The following SCHIP1 variants were observed in gnomAD, a reference collection of about 807,000 sequenced individuals.
SCHIP1 encodes schwannomin interacting protein 1.
In SCHIP1, 8 loss-of-function variants were observed where a neutral mutation model predicts 29.7. The observed-to-expected ratio is 0.27, with a 90% CI of 0.16 to 0.49. The LOEUF (loss-of-function observed/expected upper bound fraction) is 0.49, where lower values mean the gene tolerates loss of function less well. SCHIP1 is among the 20% of genes least tolerant of loss of function. The pLI is 0.99. For synonymous variants in SCHIP1, 76 were observed against 94.9 expected (o/e 0.80, Z 1.16); for missense variants, 193 against 294.6 (o/e 0.66, Z 2.52).
At chr3:159,878,197 G>A (rs1314193731) in intron 2 of SCHIP1, among the ~76,000 whole-genome samples, 1 of 152,192 alleles carries the variant, frequency 6.6e-6, no homozygotes, top group Non-Finnish European at 1.5e-5. Flanking sequence ...TCTTGCCAAG[G>A]CCGGGCGCAG....
the SCHIP1 span, chr3:159,808,541 T>A: frequency 6.6e-6 from 1 of 152,252 alleles, no homozygotes; most frequent in African/African-American, 2.4e-5. Context: ...GGTGCTACAT[T>A]TGATCTCAGA....
chr3:159,404,673 G>A, the SCHIP1 span, among the ~76,000 whole-genome samples: 13 of 152,198 alleles, frequency 8.5e-5, no homozygotes, highest in Non-Finnish European at 1.0e-4. Context: ...CTAGCTCCCA[G>A]ACAGCATCTT....
the SCHIP1 span, among the ~76,000 whole-genome samples, chr3:159,626,259 GATA>G: frequency 9.6e-6 from 1 of 103,638 alleles, no homozygotes; most frequent in Non-Finnish European, 2.1e-5. Context: ...TATATAGATA[GATA>G]GATAGATAGA....
At chr3:159,436,998 T>A in the SCHIP1 span, among the ~76,000 whole-genome samples, 17 of 152,252 alleles carry the variant, frequency 1.1e-4, no homozygotes, top group South Asian at 3.3e-3. Context: ...AGATGCCCAA[T>A]TACTGATGAT....
the SCHIP1 span, among the ~76,000 whole-genome samples, chr3:159,491,510 G>A: frequency 1.3e-5 from 2 of 152,206 alleles, no homozygotes; most frequent in Non-Finnish European, 2.9e-5. Flanking sequence ...CTCATTGCTA[G>A]CACAGCAGTC....
intron 6 of SCHIP1, chr3:159,892,391 C>G: frequency 1.6e-6 from 1 of 616,860 alleles, no homozygotes; most frequent in Non-Finnish European, 2.8e-6. Context: ...TAGCAACCAT[C>G]CCCCCCTTGT....
the SCHIP1 span, among the ~76,000 whole-genome samples, chr3:159,425,064 C>A: frequency 6.6e-6 from 1 of 151,616 alleles, no homozygotes; most frequent in Non-Finnish European, 1.5e-5. Context: ...AAAGGAACAA[C>A]CGGTACCAGC....
intron 2 of SCHIP1, among the ~76,000 whole-genome samples, chr3:159,884,798 G>A (rs989511995): frequency 3.3e-5 from 5 of 152,208 alleles, no homozygotes; most frequent in Non-Finnish European, 5.9e-5. Flanking sequence ...CCTAAGTTCA[G>A]CTCACTCCAA....
chr3:159,351,279 T>C, the SCHIP1 span, among the ~76,000 whole-genome samples: 4 of 152,188 alleles, frequency 2.6e-5, no homozygotes, highest in Non-Finnish European at 5.9e-5. Context: ...GGTATGAATA[T>C]GCCTGTTTTG....
chr3:159,335,489 C>T, the SCHIP1 span, among the ~76,000 whole-genome samples: 1 of 152,132 alleles, frequency 6.6e-6, no homozygotes, highest in Non-Finnish European at 1.5e-5. Flanking sequence ...CTATCCCTCC[C>T]CACTCCCCCC....
At chr3:159,772,090 C>T in the SCHIP1 span, among the ~76,000 whole-genome samples, 2 of 152,164 alleles carry the variant, frequency 1.3e-5, 1 homozygote, top group South Asian at 4.1e-4. Flanking sequence ...AAATCTTACA[C>T]CTGACAAAAA....
chr3:159,642,824 C>T, the SCHIP1 span, among the ~76,000 whole-genome samples: 29 of 152,126 alleles, frequency 1.9e-4, 1 homozygote, highest in Non-Finnish European at 3.1e-4. Flanking sequence ...ACTATGAGTA[C>T]AAGGACTCAG....
At chr3:159,675,907 G>A in the SCHIP1 span, among the ~76,000 whole-genome samples, 10 of 152,064 alleles carry the variant, frequency 6.6e-5, no homozygotes, top group South Asian at 4.2e-4. Flanking sequence ...TGAGGGGGGC[G>A]GATCACCTGA....
the SCHIP1 span, chr3:159,764,482 G>GGCAGCA: frequency 3.1e-5 from 49 of 1,589,038 alleles, no homozygotes; most frequent in African/African-American, 2.0e-4. The surrounding 1 kb of genome is among the most constrained non-coding windows in gnomAD (Gnocchi z 6.1). Context: ...CAGTGACGCC[G>GGCAGCA]GCAGCAGCAG....
chr3:159,413,548 G>A, the SCHIP1 span, among the ~76,000 whole-genome samples: 1 of 152,168 alleles, frequency 6.6e-6, no homozygotes, highest in South Asian at 2.1e-4. Context: ...CTGGGGATGA[G>A]TGGTAAACAC....
the SCHIP1 span, among the ~76,000 whole-genome samples, chr3:159,395,887 G>A: frequency 6.6e-6 from 1 of 151,880 alleles, no homozygotes; most frequent in African/African-American, 2.4e-5. Flanking sequence ...TTGACTTTCT[G>A]TCTCATTGAT....
chr3:159,735,222 C>A, the SCHIP1 span, among the ~76,000 whole-genome samples: 1 of 150,526 alleles, frequency 6.6e-6, no homozygotes, highest in Non-Finnish European at 1.5e-5. Flanking sequence ...CAAAAATAAC[C>A]AATTGCTACT....
At chr3:159,640,990 G>A in the SCHIP1 span, among the ~76,000 whole-genome samples, 12 of 152,208 alleles carry the variant, frequency 7.9e-5, no homozygotes, top group South Asian at 2.1e-4. Flanking sequence ...AATGACCTTC[G>A]TTGGAATTCT....
the SCHIP1 span, among the ~76,000 whole-genome samples, chr3:159,302,824 G>A: frequency 6.6e-6 from 1 of 152,040 alleles, no homozygotes; most frequent in Non-Finnish European, 1.5e-5. Flanking sequence ...TCATGTCCTG[G>A]GAAACCCCTC....
Sources: gnomAD v4.1 joint callset for allele counts (sites outside exome capture counted in the v4.1 genomes callset) on GRCh38, gnomAD v4.1.1 for gene constraint, Gnocchi (gnomAD v3.1) non-coding constraint, MANE v1.5 for transcripts, NCBI Gene and HGNC (gene_info 2026-07-23, HGNC 2026-07-21) for gene names.